Variants in IQSEC1 observed in about 807,000 individuals in gnomAD.
The protein encoded by IQSEC1 is IQ motif and Sec7 domain ArfGEF 1, also known as IQ motif and SEC7 domain-containing protein 1.
Under a neutral mutation model 91.0 loss-of-function variants are expected in IQSEC1, and 31 were observed. The ratio of observed to expected loss-of-function variants is 0.34; its 90% CI spans 0.26 to 0.46. The LOEUF (loss-of-function observed/expected upper bound fraction) is 0.46. Ranked by LOEUF, IQSEC1 falls within the 20% of genes least tolerant of loss-of-function variation. The probability of loss-of-function intolerance (pLI) is 1.00; values close to 1 mark genes in which losing one functional copy is unlikely to be tolerated. For missense variants in IQSEC1, 1,388 were observed against 1,575.6 expected, an observed-to-expected ratio of 0.88 and a Z score of 2.02; for synonymous variants, 699 against 662.6, an observed-to-expected ratio of 1.05 and a Z score of -0.84.
chr3:12,926,928 AT>A (rs1697196330), intron 3 of IQSEC1, among the ~76,000 whole-genome samples: 3 of 152,186 alleles, frequency 2.0e-5, no homozygotes, highest in Non-Finnish European at 4.4e-5. Context: ...AGAAGTGGTA[AT>A]GGAGTGGCCC....
At chr3:12,936,755 A>C in intron 2 of IQSEC1, 58 bp from the exon 3 acceptor site, 2 of 1,446,724 alleles carry the variant, frequency 1.4e-6, no homozygotes, top group Non-Finnish European at 1.8e-6. Context: ...TGCGACATTT[A>C]CCAAACTCCT....
At chr3:12,941,112 C>T (rs1698707694) in intron 2 of IQSEC1, among the ~76,000 whole-genome samples, 1 of 152,176 alleles carries the variant, frequency 6.6e-6, no homozygotes, top group Non-Finnish European at 1.5e-5. Context: ...GGGTTCTTTC[C>T]AGAGCTTGTG....
At chr3:13,018,781 A>G (rs904505830) in intron 1 of IQSEC1, among the ~76,000 whole-genome samples, 4 of 152,240 alleles carry the variant, frequency 2.6e-5, no homozygotes, top group African/African-American at 9.6e-5. Flanking sequence ...CCAATGCCTC[A>G]GCAGCACCTA....
Position 12,937,882 on chromosome 3 carries a change from G to A in IQSEC1, c.319-1185C>T, listed in dbSNP as rs1356914415. 2.6e-5 allele frequency among the ~76,000 whole-genome samples: 4 copies of A among 152,154 alleles called. No individual in the cohort carries two copies. In the South Asian group the frequency reaches 6.2e-4, roughly 24 times the overall value. ...GAGCTGGCTTTCCCTCATGAGCACC[G>A]CCATTCCTAGATGGCTCGTCTGGCC... On this transcript the variant is annotated intron_variant, in intron 2 of 13. Coordinates refer to ENST00000613206, the MANE Select transcript of IQSEC1 (RefSeq NM_001134382.3).
chr3:12,993,084 C>T (rs1169055687), intron 1 of IQSEC1, among the ~76,000 whole-genome samples: 1 of 152,138 alleles, frequency 6.6e-6, no homozygotes, highest in Non-Finnish European at 1.5e-5. Context: ...CCCATTACAC[C>T]TCATCCCCCT....
chr3:12,902,724 G>C (rs1191188792), intron 13 of IQSEC1, 49 bp downstream of exon 13: 6 of 1,210,392 alleles, frequency 5.0e-6, no homozygotes, highest in Middle Eastern at 1.9e-4. Context: ...CTGAGGACTG[G>C]GGAAGGCGAC....
intron 1 of IQSEC1, among the ~76,000 whole-genome samples, chr3:12,998,947 C>T (rs978762061): frequency 3.9e-5 from 6 of 152,072 alleles, no homozygotes; most frequent in African/African-American, 1.4e-4. Context: ...CTTTGCCCCC[C>T]TAGACGTCTT....
intron 1 of IQSEC1, among the ~76,000 whole-genome samples, chr3:13,233,339 T>C (rs1694867639): frequency 6.6e-6 from 1 of 152,208 alleles, no homozygotes; most frequent in African/African-American, 2.4e-5. Flanking sequence ...GCACTGTCCC[T>C]TCCTCCATCC....
chr3:13,139,199 T>C (rs1462787294), intron 2 of IQSEC1, among the ~76,000 whole-genome samples: 3 of 152,218 alleles, frequency 2.0e-5, no homozygotes, highest in Non-Finnish European at 2.9e-5. Flanking sequence ...GCTAAGTGAT[T>C]CTCCAGCATC....
At chr3:13,283,025 G>A (rs1695826857) in exon 1 of IQSEC1, among the ~76,000 whole-genome samples, 2 of 145,242 alleles carry the variant, frequency 1.4e-5, no homozygotes, top group South Asian at 4.2e-4. Flanking sequence ...GCGAGCGGGC[G>A]GCGGGGCGGC....
intron 2 of IQSEC1, among the ~76,000 whole-genome samples, chr3:13,161,356 G>A (rs750493803): frequency 2.0e-5 from 3 of 152,232 alleles, no homozygotes; most frequent in Non-Finnish European, 4.4e-5. Context: ...CCTCTAGCGG[G>A]TCTGGAGAGG....
At chr3:13,205,225 G>A (rs1453206499) in intron 1 of IQSEC1, among the ~76,000 whole-genome samples, 1 of 152,018 alleles carries the variant, frequency 6.6e-6, no homozygotes, top group Non-Finnish European at 1.5e-5. Flanking sequence ...GCAGCAAGCC[G>A]ACGTGTTCAT....
intron 2 of IQSEC1, among the ~76,000 whole-genome samples, chr3:13,114,986 G>A: frequency 6.6e-6 from 1 of 152,110 alleles, no homozygotes; most frequent in Admixed American, 6.5e-5. Flanking sequence ...GGCAGGACAA[G>A]CAGGAAGCCC....
At chr3:13,049,291 T>C (rs1704605190) in intron 1 of IQSEC1, among the ~76,000 whole-genome samples, 2 of 152,234 alleles carry the variant, frequency 1.3e-5, no homozygotes, top group South Asian at 4.1e-4. Context: ...GCCAGGTTCC[T>C]GGGCCCCACA....
At chr3:13,129,742 C>A (rs1265328891) in intron 2 of IQSEC1, among the ~76,000 whole-genome samples, 1 of 148,028 alleles carries the variant, frequency 6.8e-6, no homozygotes, top group Non-Finnish European at 1.5e-5. Flanking sequence ...ATTGCAAGCT[C>A]CGCCTCCCGG....
At chr3:12,958,142 CT>C (rs1700030882) in intron 1 of IQSEC1, among the ~76,000 whole-genome samples, 1 of 152,216 alleles carries the variant, frequency 6.6e-6, no homozygotes, top group African/African-American at 2.4e-5. Flanking sequence ...CGAGCTCCCC[CT>C]GCCCTTGCAG....
Position 12,967,882 on chromosome 3 carries a change from G to GCA in IQSEC1, c.24-26019_24-26018dup, listed in dbSNP as rs1700699744. On this transcript the variant is annotated intron_variant, in intron 1 of 13. Transcript: ENST00000613206. This position sits in a 1 kb window ranked among gnomAD's most constrained non-coding sequence, Gnocchi z 5.9. ...GTGGCCACACGGCGCCGCGGAAGAA[G>GCA]CACAGGGGGCGGGGGGTCAGGGGCG... is the stretch of plus-strand genomic sequence containing the variant. Among the ~76,000 whole-genome samples, 1 of 139,020 alleles carries GCA rather than the reference G, an allele frequency of 7.2e-6. No individual in the cohort carries two copies. The highest frequency in any genetic ancestry group is 1.6e-5 in the Non-Finnish European group (1 of 63,404). 91.2% of individuals were successfully genotyped at this position (139,020 alleles called of 152,430 possible).
chr3:13,272,367 A>G (rs1289638088), intron 1 of IQSEC1, among the ~76,000 whole-genome samples: 1 of 152,216 alleles, frequency 6.6e-6, no homozygotes, highest in Non-Finnish European at 1.5e-5. Context: ...TTCCATCCCT[A>G]GGTGAGAGAC....
At chr3:12,923,151 C>A (rs1696788655) in intron 4 of IQSEC1, among the ~76,000 whole-genome samples, 2 of 152,194 alleles carry the variant, frequency 1.3e-5, no homozygotes, top group African/African-American at 4.8e-5. Flanking sequence ...TGCTGAGCAG[C>A]AGGAGCAGCG....
Sources: allele counts gnomAD v4.1 joint callset (sites outside exome capture counted in the v4.1 genomes callset), GRCh38; gene constraint gnomAD v4.1.1; non-coding constraint Gnocchi (gnomAD v3.1); transcripts MANE v1.5; gene names NCBI Gene and HGNC (gene_info 2026-07-23, HGNC 2026-07-21).